PFKM: variants seen among roughly 807,000 people sequenced by gnomAD.
PFKM encodes the protein phosphofructokinase, muscle, also known as ATP-dependent 6-phosphofructokinase, muscle type.
A neutral mutation model predicts 95.5 loss-of-function variants in PFKM; 58 were observed. The ratio of observed to expected loss-of-function variants is 0.61; its 90% CI spans 0.49 to 0.76. The LOEUF is 0.76. PFKM is among the 30% of genes least tolerant of loss of function. The pLI, the probability that PFKM is intolerant of heterozygous loss-of-function variation, is 0.00. For missense variants in PFKM, 678 were observed against 1,005.4 expected (o/e 0.67, Z 4.40); for synonymous variants, 336 against 357.2 (o/e 0.94, Z 0.67).
chr12:48,120,432 T>A (rs1175498083), intron 1 of PFKM, among the ~76,000 whole-genome samples: 1 of 152,178 alleles, frequency 6.6e-6, no homozygotes, highest in Non-Finnish European at 1.5e-5. Flanking sequence ...TAGTGAGCTG[T>A]GGGAGAGTTT....
Position 48,145,422 on chromosome 12 carries a change from C to T in PFKM, c.2198+107C>T. On this transcript the variant is annotated intron_variant, in intron 22 of 22. Coordinates refer to ENST00000359794, the MANE Select transcript of PFKM (RefSeq NM_000289.6). This position sits in a 1 kb window ranked among gnomAD's most constrained non-coding sequence, Gnocchi z 4.3. ...ATTCTTTTTTTTTTTTAAGGAGTAA[C>T]ACCTGTATTCTTACCCATTTCAGAT... 1 of 1,231,242 alleles carries T rather than the reference C, an allele frequency of 8.1e-7. No homozygotes were observed. The highest frequency in any genetic ancestry group is 1.2e-6 in the Non-Finnish European group (1 of 845,968). 76.3% of individuals were successfully genotyped at this position (1,231,242 alleles called of 1,614,324 possible). A position where few individuals can be genotyped will look rare whatever the true frequency, so the allele number is the denominator to read the frequency against.
intron 10 of PFKM, among the ~76,000 whole-genome samples, chr12:48,136,231 TTGTC>T (rs1482871773): frequency 2.0e-5 from 3 of 152,182 alleles, no homozygotes; most frequent in Non-Finnish European, 4.4e-5. Flanking sequence ...ATCTGTCTCT[TTGTC>T]TGTAATTTTT....
chr12:48,122,613 G>A (rs1948400855), intron 1 of PFKM, 154 bp from the exon 2 acceptor site: 1 of 1,485,720 alleles, frequency 6.7e-7, no homozygotes, highest in Non-Finnish European at 8.9e-7. Context: ...GCTTTCCTCT[G>A]GAAGAAGTCC....
At chr12:48,144,940 GC>G (rs1165637824) in intron 20 of PFKM, 90 bp from the exon 21 acceptor site, 2 of 916,754 alleles carry the variant, frequency 2.2e-6, no homozygotes, top group Non-Finnish European at 3.5e-6. Context: ...TAAGCCTGGG[GC>G]CCATCTTTCT....
chr12:48,136,322 A>G (rs535046386), intron 10 of PFKM, among the ~76,000 whole-genome samples: 32 of 152,290 alleles, frequency 2.1e-4, no homozygotes, highest in African/African-American at 7.5e-4. Flanking sequence ...CACTCAGCAT[A>G]ATTCTCTAGA....
At chr12:48,117,858 G>T (rs1947808819), upstream of PFKM, among the ~76,000 whole-genome samples, 1 of 152,204 alleles carries the variant, frequency 6.6e-6, no homozygotes, top group Admixed American at 6.5e-5. Flanking sequence ...ATGAATATAT[G>T]TAAGATGTAC....
upstream of PFKM, among the ~76,000 whole-genome samples, chr12:48,115,457 T>C (rs1362301025): frequency 3.3e-5 from 5 of 152,174 alleles, no homozygotes; most frequent in Admixed American, 2.6e-4. Flanking sequence ...AAGTACGTTC[T>C]CAAGGATGGG....
At chr12:48,114,048 G>A (rs1028876688) in intron 3 of PFKM, among the ~76,000 whole-genome samples, 5 of 152,110 alleles carry the variant, frequency 3.3e-5, no homozygotes, top group African/African-American at 7.2e-5. Context: ...ATGTAGTCTC[G>A]CCTAGCTATA....
chr12:48,134,943 A>G lies in PFKM; in HGVS notation c.748A>G (p.Thr250Ala). 1 of 1,613,830 alleles carries G rather than the reference A, an allele frequency of 6.2e-7. No homozygotes were observed. The highest frequency in any genetic ancestry group is 2.2e-5 in the East Asian group (1 of 44,878). The change falls in exon 9 of 23, where the codon ACA becomes GCA. Residue 250 changes from threonine (T) to alanine (A), a missense_variant and splice_region_variant. Thr to Ala is a moderately conservative substitution (Grantham distance 58). Transcript: ENST00000359794. ...CATTTTACCCTTTGTTCTCAACCAG[A>G]CAAGGACCCGTGGTTCTCGTCTCAA... is the stretch of plus-strand genomic sequence containing the variant. ...EEHLCRRLSE[T>A]RTRGSRLNII...
At position 48,143,545 on chromosome 12, in the gene PFKM, C is replaced by G. The variant is rs375221230; in HGVS notation, c.1819-208C>G. ...ACTGCAGCTGTCTGTAGTGCTCCCT[C>G]TTCCAGTTCTGTCTCATTTGGAGTC... On this transcript the variant is annotated intron_variant, in intron 18 of 22. Transcript: ENST00000359794. 5.9e-5 allele frequency among the ~76,000 whole-genome samples: 9 copies of G among 152,252 alleles called. No individual in the cohort carries two copies. In the East Asian group the frequency reaches 1.3e-3, roughly 23 times the overall value.
chr12:48,140,222 A>G (rs113595208), intron 13 of PFKM, among the ~76,000 whole-genome samples: 2,948 of 152,334 alleles, frequency 0.019, 76 homozygotes, highest in African/African-American at 0.048. Context: ...TATGGGAATA[A>G]TCACATCTAA....
At chr12:48,126,698 T>C (rs1032304878) in intron 2 of PFKM, among the ~76,000 whole-genome samples, 7 of 152,196 alleles carry the variant, frequency 4.6e-5, no homozygotes, top group Non-Finnish European at 7.3e-5. Flanking sequence ...TTCCAACCTA[T>C]ACATTTCAGA....
Position 48,145,102 on chromosome 12 carries a change from T to G in PFKM, c.2064T>G (p.Ser688=). ...KMGAKAMNWM[S]GKIKESYRNG... ...GCGCCAAGGCTATGAACTGGATGTC[T>G]GGGAAAATCAAAGAGAGTTACCGTA... The change falls in exon 21 of 23, where the codon TCT becomes TCG. Residue 688 remains serine (S), a synonymous_variant. Transcript: ENST00000359794. This position sits in a 1 kb window ranked among gnomAD's most constrained non-coding sequence, Gnocchi z 4.3. The G allele has an allele frequency of 3.7e-6, 6 of 1,614,162 alleles. No individual in the cohort carries two copies. Among genetic ancestry groups the G allele is most frequent in the Non-Finnish European group, 5.1e-6 (6 of 1,179,962 alleles).
intron 3 of PFKM, among the ~76,000 whole-genome samples, chr12:48,111,684 C>T (rs577974512): frequency 9.9e-5 from 15 of 152,080 alleles, no homozygotes; most frequent in Non-Finnish European, 1.8e-4. Flanking sequence ...CAAGTGTGAT[C>T]AGGGTGAGGA....
In PFKM at chr12:48,145,977, CAGTT is replaced by C. The variant is rs748854817; in HGVS notation, c.*272_*275del. 1.0e-4 allele frequency: 48 copies of C among 466,226 alleles called. No individual in the cohort carries two copies. Among genetic ancestry groups the C allele is most frequent in the African/African-American group, 2.1e-4 (11 of 51,622 alleles). The allele number at this position is 466,226 out of a possible 1,614,324, so 28.9% of individuals were successfully genotyped here. ...GTGCTACTGCTAGATATCACTTACT[CAGTT>C]AGAATTTTCCTAAAAATAAGCTTTA... On this transcript the variant is annotated 3_prime_UTR_variant, in exon 23 of 23. Transcript: ENST00000359794. The surrounding 1 kb of genome is among the most constrained non-coding windows in gnomAD (Gnocchi z 4.3).
At position 48,146,056 on chromosome 12, in the gene PFKM, T is replaced by C; in HGVS notation, c.*348T>C. 1 of 295,518 alleles carries C rather than the reference T, an allele frequency of 3.4e-6. No individual in the cohort carries two copies. The highest frequency in any genetic ancestry group is 6.5e-6 in the Non-Finnish European group (1 of 152,934). 18.3% of individuals were successfully genotyped at this position (295,518 alleles called of 1,614,324 possible). On this transcript the variant is annotated 3_prime_UTR_variant, in exon 23 of 23. Transcript: ENST00000359794. Reference sequence around the variant, plus strand: ...GTCTTGGTTCCTCTACTACTTTTACTACAGTGACAAATTGTAACTACACTA... The same window carrying C: ...GTCTTGGTTCCTCTACTACTTTTACCACAGTGACAAATTGTAACTACACTA...
At chr12:48,130,130 G>T (rs1949317022) in intron 2 of PFKM, among the ~76,000 whole-genome samples, 1 of 152,120 alleles carries the variant, frequency 6.6e-6, no homozygotes, top group African/African-American at 2.4e-5. Flanking sequence ...GCAGGATTTT[G>T]GGGGGGCTTG....
At chr12:48,141,703 A>G (rs201367659) in intron 15 of PFKM, 37 bp from the exon 16 acceptor site, 10 of 1,464,532 alleles carry the variant, frequency 6.8e-6, no homozygotes, top group Non-Finnish European at 9.6e-6. Context: ...CCAAATTCCA[A>G]TTCCCCTTCC....
chr12:48,105,616 C>G (rs1288470827), upstream of PFKM: 1 of 449,950 alleles, frequency 2.2e-6, no homozygotes, highest in Non-Finnish European at 4.4e-6. Context: ...GGAGATGAAG[C>G]CGGTACCACA....
Sources: gnomAD v4.1 joint callset for allele counts (sites outside exome capture counted in the v4.1 genomes callset) on GRCh38, gnomAD v4.1.1 for gene constraint, Gnocchi (gnomAD v3.1) non-coding constraint, MANE v1.5 for transcripts, NCBI Gene and HGNC (gene_info 2026-07-23, HGNC 2026-07-21) for gene names.